The following DCDC2 variants were observed in gnomAD, a reference collection of about 807,000 sequenced individuals.
The protein encoded by DCDC2 is doublecortin domain containing 2.
A neutral mutation model predicts 50.2 loss-of-function variants in DCDC2; 40 were observed. That is an observed-to-expected ratio of 0.80 (90% CI 0.62 to 1.04). The LOEUF (loss-of-function observed/expected upper bound fraction) is 1.04. Among genes scored for constraint, DCDC2 ranks in the 50% least tolerant of loss-of-function variants. DCDC2 has a pLI of 0.00. For synonymous variants in DCDC2, 234 were observed against 210.6 expected (o/e 1.11, Z -0.96); for missense variants, 570 against 581.9 (o/e 0.98, Z 0.21).
intron 8 of DCDC2, among the ~76,000 whole-genome samples, chr6:24,187,887 C>T (rs934558163): frequency 7.9e-5 from 12 of 152,112 alleles, no homozygotes; most frequent in Non-Finnish European, 7.3e-5. Flanking sequence ...AAGAAAAACA[C>T]GATGATGATC....
chr6:24,365,204 T>A, the DCDC2 span, among the ~76,000 whole-genome samples: 1 of 152,330 alleles, frequency 6.6e-6, no homozygotes, highest in South Asian at 2.1e-4. Flanking sequence ...TTAACTCCTA[T>A]CCAGAACCAA....
intron 8 of DCDC2, among the ~76,000 whole-genome samples, chr6:24,185,523 A>G (rs999581678): frequency 1.1e-4 from 16 of 152,224 alleles, no homozygotes; most frequent in Non-Finnish European, 1.8e-4. Context: ...GCAAAAAAAT[A>G]AAAATGCTGC....
Position 24,326,462 on chromosome 6 carries a change from C to G in DCDC2, c.349-24418G>C, listed in dbSNP as rs901887209. Among the ~76,000 whole-genome samples the G allele has an allele frequency of 5.1e-4, 3 of 5,870 alleles. 1 individual carries two copies. Among genetic ancestry groups the G allele is most frequent in the Non-Finnish European group, 1.1e-3 (3 of 2,658 alleles). The allele number at this position is 5,870 out of a possible 152,430, so 3.9% of individuals were successfully genotyped here. On this transcript the variant is annotated intron_variant, in intron 2 of 9. Transcript: ENST00000378454. ...AAAATCATACAAAGCATGTTAAGAG[C>G]TGGGTGACATATATATATTAACTAT...
intron 7 of DCDC2, among the ~76,000 whole-genome samples, chr6:24,220,529 T>C (rs941267023): frequency 6.6e-6 from 1 of 152,188 alleles, no homozygotes; most frequent in Non-Finnish European, 1.5e-5. Flanking sequence ...CCCCACAAAT[T>C]ATGCAGTCAG....
chr6:24,190,358 T>C (rs900710407), intron 8 of DCDC2, among the ~76,000 whole-genome samples: 1 of 152,086 alleles, frequency 6.6e-6, no homozygotes, highest in African/African-American at 2.4e-5. Flanking sequence ...GAACATGCGA[T>C]GTTTGGTTTT....
chr6:24,367,024 G>T, the DCDC2 span, among the ~76,000 whole-genome samples: 1 of 151,970 alleles, frequency 6.6e-6, no homozygotes, highest in Non-Finnish European at 1.5e-5. Flanking sequence ...GTGGAGGGAT[G>T]GGGGTCTCTC....
chr6:24,263,623 T>C (rs190777593), intron 7 of DCDC2, among the ~76,000 whole-genome samples: 3 of 152,042 alleles, frequency 2.0e-5, no homozygotes, highest in Admixed American at 2.0e-4. Context: ...ATAGCAGAAA[T>C]GATCAAGCAG....
At chr6:24,302,183 T>C (rs1375821059) in intron 2 of DCDC2, 139 bp from the exon 3 acceptor site, 6 of 672,698 alleles carry the variant, frequency 8.9e-6, no homozygotes. Flanking sequence ...TCTCAGCATT[T>C]CTGTAAACTC....
At chr6:24,213,243 T>C (rs866518488) in intron 7 of DCDC2, among the ~76,000 whole-genome samples, 13 of 152,280 alleles carry the variant, frequency 8.5e-5, no homozygotes, top group South Asian at 2.1e-4. Flanking sequence ...TAATGTCCAG[T>C]TCTAAATACT....
chr6:24,215,108 G>C (rs1196055123), intron 7 of DCDC2, among the ~76,000 whole-genome samples: 1 of 151,864 alleles, frequency 6.6e-6, no homozygotes, highest in Non-Finnish European at 1.5e-5. Context: ...CATAAAGTAG[G>C]AAAGAAAAAA....
intron 7 of DCDC2, among the ~76,000 whole-genome samples, chr6:24,249,266 T>C (rs1762748729): frequency 6.6e-6 from 1 of 152,150 alleles, no homozygotes; most frequent in Non-Finnish European, 1.5e-5. Context: ...CAATCATAGC[T>C]CTGTGGAGAT....
intron 9 of DCDC2, among the ~76,000 whole-genome samples, chr6:24,176,243 C>G (rs1326506440): frequency 6.6e-6 from 1 of 152,018 alleles, no homozygotes; most frequent in African/African-American, 2.4e-5. Context: ...CTGCAGTGAG[C>G]TGTGATCACG....
chr6:24,272,940 A>T (rs1215018314), intron 7 of DCDC2, among the ~76,000 whole-genome samples: 2 of 152,194 alleles, frequency 1.3e-5, no homozygotes, highest in Non-Finnish European at 2.9e-5. Flanking sequence ...TCACAACAGC[A>T]AAGATATGGA....
intron 2 of DCDC2, among the ~76,000 whole-genome samples, chr6:24,342,788 A>G (rs750269313): frequency 7.9e-5 from 12 of 152,096 alleles, no homozygotes; most frequent in Non-Finnish European, 1.8e-4. Context: ...TTACCCAGCT[A>G]TGATGTAGAG....
At position 24,178,315 on chromosome 6, in the gene DCDC2, A is replaced by G; in HGVS notation, c.1326+15T>C. 2 of 1,607,606 alleles carry G rather than the reference A, an allele frequency of 1.2e-6. No individual in the cohort carries two copies. Among genetic ancestry groups the G allele is most frequent in the Non-Finnish European group, 1.7e-6 (2 of 1,176,088 alleles). On this transcript the variant is annotated intron_variant, in intron 9 of 9. Transcript: ENST00000378454. ...TTCATGCATTCACATAAGCAAGCAA[A>G]AGCAATAGAAATACCTCATCTTGTC...
intron 5 of DCDC2, among the ~76,000 whole-genome samples, chr6:24,289,985 T>G (rs1330611244): frequency 1.7e-5 from 1 of 59,558 alleles, no homozygotes; most frequent in South Asian, 5.3e-4. Flanking sequence ...TTTTTTTTTT[T>G]TTTTTTTTTT....
Position 24,234,916 on chromosome 6 carries a change from T to C in DCDC2, c.923-29814A>G, listed in dbSNP as rs1478845679. Reference sequence around the variant, plus strand: ...GCACACTTGCCAAACACCCAGATTATGGGAGGATAGAAATGATAACAAATA... The same window carrying C: ...GCACACTTGCCAAACACCCAGATTACGGGAGGATAGAAATGATAACAAATA... On this transcript the variant is annotated intron_variant, in intron 7 of 9. Transcript: ENST00000378454. 2.0e-5 allele frequency among the ~76,000 whole-genome samples: 3 copies of C among 152,138 alleles called. No individual in the cohort carries two copies. In the East Asian group the frequency reaches 5.8e-4, roughly 29 times the overall value.
intron 7 of DCDC2, among the ~76,000 whole-genome samples, chr6:24,275,866 A>AATT (rs1554115435): frequency 9.2e-6 from 1 of 108,120 alleles, no homozygotes; most frequent in Non-Finnish European, 1.8e-5. Context: ...CAATAATTCA[A>AATT]TTTTTTTTTT....
At position 24,250,643 on chromosome 6, in the gene DCDC2, A is replaced by G. The variant is rs570393628; in HGVS notation, c.922+27406T>C. ...ATTTATAAAATATGTGAACAATTCT[A>G]AAAGACAGACTGCTTTAGAAGAACA... On this transcript the variant is annotated intron_variant, in intron 7 of 9. Transcript: ENST00000378454. Among the ~76,000 whole-genome samples, 51 of 152,338 alleles carry G rather than the reference A, an allele frequency of 3.3e-4. 1 individual carries two copies. In the South Asian group the frequency reaches 8.7e-3, roughly 26 times the overall value.
Sources: allele counts gnomAD v4.1 joint callset (sites outside exome capture counted in the v4.1 genomes callset), GRCh38; gene constraint gnomAD v4.1.1; transcripts MANE v1.5; gene names NCBI Gene and HGNC (gene_info 2026-07-23, HGNC 2026-07-21).